Variants in TSPEAR observed in about 807,000 individuals in gnomAD.
The protein encoded by TSPEAR is thrombospondin-type laminin G domain and EAR repeat-containing protein.
A neutral mutation model predicts 71.6 loss-of-function variants in TSPEAR; 69 were observed. The observed-to-expected ratio is 0.96, with a 90% CI of 0.79 to 1.18. TSPEAR has a LOEUF of 1.18. Among genes scored for constraint, TSPEAR ranks in the 50% most tolerant of loss-of-function variants. TSPEAR has a pLI of 0.00. For missense variants in TSPEAR, 971 were observed against 894.9 expected (o/e 1.09, Z -1.09); for synonymous variants, 402 against 387.2 (o/e 1.04, Z -0.45).
At position 44,549,939 on chromosome 21, in the gene TSPEAR, T is replaced by A. The variant is rs114068631; in HGVS notation, c.304-16016A>T. Among the ~76,000 whole-genome samples, 917 of 152,322 alleles carry A rather than the reference T, an allele frequency of 6.0e-3. 13 individuals carry two copies. The highest frequency in any genetic ancestry group is 0.02 in the African/African-American group (851 of 41,562). On this transcript the variant is annotated intron_variant, in intron 2 of 11. Transcript: ENST00000323084. Reference sequence around the variant, plus strand: ...TGTGAGTGTGCGCAGGAGGCCAGGATGCCCAAGCTGTCCCTGAGTGGAACT... The same window carrying A: ...TGTGAGTGTGCGCAGGAGGCCAGGAAGCCCAAGCTGTCCCTGAGTGGAACT...
intron 1 of TSPEAR, among the ~76,000 whole-genome samples, chr21:44,626,792 C>T (rs1460943411): frequency 6.6e-6 from 1 of 152,110 alleles, no homozygotes; most frequent in Non-Finnish European, 1.5e-5. Context: ...GATGCCCCAG[C>T]AACCAAAGAT....
intron 1 of TSPEAR, among the ~76,000 whole-genome samples, chr21:44,600,292 T>C (rs1459071409): frequency 1.4e-5 from 2 of 147,572 alleles, no homozygotes; most frequent in African/African-American, 5.4e-5. Flanking sequence ...CCTGGGACAC[T>C]CTATTTGCAG....
At chr21:44,657,423 G>A (rs1431372134) in intron 1 of TSPEAR, among the ~76,000 whole-genome samples, 1 of 152,184 alleles carries the variant, frequency 6.6e-6, no homozygotes, top group Non-Finnish European at 1.5e-5. Context: ...TAACTATTCA[G>A]TTGTGCCACT....
chr21:44,614,004 C>T (rs587667097), intron 1 of TSPEAR, among the ~76,000 whole-genome samples: 17 of 151,704 alleles, frequency 1.1e-4, no homozygotes, highest in Non-Finnish European at 1.9e-4. Flanking sequence ...CCCTGCCCAG[C>T]GGCATAGGGA....
rs376462926 is a variant in TSPEAR, at chr21:44,625,059, A to G, written c.83-57054T>C. 3.3e-5 allele frequency among the ~76,000 whole-genome samples: 5 copies of G among 152,382 alleles called. 1 individual carries two copies. Reference sequence around the variant, plus strand: ...TTATACAGCATAAGAAAAAGGTAGCATAATGGAATCGTTTTCAGAGGTCAA... The same window carrying G: ...TTATACAGCATAAGAAAAAGGTAGCGTAATGGAATCGTTTTCAGAGGTCAA... On this transcript the variant is annotated intron_variant, in intron 1 of 11. Coordinates refer to ENST00000323084, the MANE Select transcript of TSPEAR (RefSeq NM_144991.3).
At chr21:44,616,026 C>T (rs1395277423) in intron 1 of TSPEAR, among the ~76,000 whole-genome samples, 5 of 152,202 alleles carry the variant, frequency 3.3e-5, no homozygotes, top group African/African-American at 7.2e-5. Flanking sequence ...CATCCCCCAG[C>T]GGAGGCCACA....
intron 1 of TSPEAR, among the ~76,000 whole-genome samples, chr21:44,633,874 C>T (rs1443937576): frequency 2.0e-5 from 3 of 151,772 alleles, no homozygotes; most frequent in South Asian, 4.2e-4. Context: ...TTTCTTTCTT[C>T]TCTTCTTTCC....
intron 2 of TSPEAR, chr21:44,558,521 G>A (rs1555920391): frequency 6.2e-7 from 1 of 1,613,640 alleles, no homozygotes; most frequent in South Asian, 1.1e-5. Context: ...ACTGGCAGGG[G>A]CTGGGCTCAC....
intron 1 of TSPEAR, among the ~76,000 whole-genome samples, chr21:44,599,422 A>G (rs897769103): frequency 2.6e-5 from 4 of 152,274 alleles, no homozygotes; most frequent in Admixed American, 1.3e-4. Context: ...AAACCCCACC[A>G]GAAGGGCCCC....
At chr21:44,558,173 G>A in intron 2 of TSPEAR, 1 of 1,545,556 alleles carries the variant, frequency 6.5e-7, no homozygotes, top group Non-Finnish European at 8.8e-7. Context: ...GGCAGGTGGA[G>A]GCAGGGGCAC....
chr21:44,617,646 C>G (rs1212264418), intron 1 of TSPEAR, among the ~76,000 whole-genome samples: 2 of 152,232 alleles, frequency 1.3e-5, no homozygotes, highest in Non-Finnish European at 2.9e-5. Flanking sequence ...TTCTTAAGAG[C>G]TATACAATCA....
chr21:44,679,853 G>A (rs770530743), intron 1 of TSPEAR, among the ~76,000 whole-genome samples: 1 of 152,116 alleles, frequency 6.6e-6, no homozygotes, highest in Non-Finnish European at 1.5e-5. Flanking sequence ...AATGAAACTG[G>A]ATCCCTACCT....
chr21:44,676,268 C>A (rs1986308281), intron 1 of TSPEAR: 16 of 1,262,144 alleles, frequency 1.3e-5, no homozygotes, highest in Non-Finnish European at 1.9e-5. Context: ...TCACTGTACA[C>A]CCCATGGGTC....
In TSPEAR at chr21:44,654,612, C is replaced by T. The variant is rs1555942215; in HGVS notation, c.82+56821G>A. On this transcript the variant is annotated intron_variant, in intron 1 of 11. Coordinates refer to ENST00000323084, the MANE Select transcript of TSPEAR (RefSeq NM_144991.3). ...AGCCCGAAGAGTGGCTGGTGTGGCA[C>T]ATGATGGAGTGTGGACAGGTGGGGG... The T allele has an allele frequency of 3.2e-6, 5 of 1,554,346 alleles. No homozygotes were observed. The South Asian group carries it at 6.1e-5, about 19-fold the overall frequency.
intron 9 of TSPEAR, among the ~76,000 whole-genome samples, chr21:44,513,335 C>T (rs1292239874): frequency 6.6e-6 from 1 of 152,154 alleles, no homozygotes; most frequent in African/African-American, 2.4e-5. Flanking sequence ...GGGGCTGTGC[C>T]AACCCAGGCA....
At chr21:44,639,508 G>A (rs1983898592) in intron 1 of TSPEAR, among the ~76,000 whole-genome samples, 1 of 152,200 alleles carries the variant, frequency 6.6e-6, no homozygotes, top group Admixed American at 6.5e-5. Context: ...CCCCAGGGCT[G>A]GTGGCCAAAC....
At chr21:44,568,415 A>G (rs1555922072) in intron 1 of TSPEAR, among the ~76,000 whole-genome samples, 3 of 152,204 alleles carry the variant, frequency 2.0e-5, no homozygotes, top group African/African-American at 7.2e-5. Flanking sequence ...AGGCAGGCCC[A>G]GGCTCCTGTC....
At chr21:44,539,620 GGA>G (rs782055030) in intron 2 of TSPEAR, 2 of 1,613,646 alleles carry the variant, frequency 1.2e-6, no homozygotes, top group African/African-American at 2.7e-5. Flanking sequence ...GCTGGCAGGG[GGA>G]GGAGGTGCAG....
intron 1 of TSPEAR, among the ~76,000 whole-genome samples, chr21:44,630,745 AAC>A (rs1458539172): frequency 1.3e-5 from 2 of 152,200 alleles, no homozygotes; most frequent in South Asian, 2.1e-4. Flanking sequence ...GGTGTGGACC[AAC>A]ACACAGAGTC....
Sources: gnomAD v4.1 joint callset for allele counts (sites outside exome capture counted in the v4.1 genomes callset) on GRCh38, gnomAD v4.1.1 for gene constraint, MANE v1.5 for transcripts, NCBI Gene and HGNC (gene_info 2026-07-23, HGNC 2026-07-21) for gene names.